The following GTSF1 variants were observed in gnomAD, a reference collection of about 807,000 sequenced individuals.
GTSF1 encodes the protein gametocyte-specific factor 1.
In GTSF1, 11 loss-of-function variants were observed where a neutral mutation model predicts 28.9. The observed-to-expected ratio is 0.38, with a 90% CI of 0.24 to 0.63. GTSF1 has a LOEUF of 0.63. Among genes scored for constraint, GTSF1 ranks in the 30% least tolerant of loss-of-function variants. GTSF1 has a pLI of 0.56. For synonymous variants in GTSF1, 69 were observed against 65.6 expected (o/e 1.05, Z -0.25); for missense variants, 146 against 201.0 (o/e 0.73, Z 1.66).
chr12:54,458,553 G>A (rs1191360551), intron 8 of GTSF1, among the ~76,000 whole-genome samples: 1 of 151,774 alleles, frequency 6.6e-6, no homozygotes, highest in Non-Finnish European at 1.5e-5. Context: ...TGAATTTTTA[G>A]TAGAGACAGG....
In GTSF1 at chr12:54,462,143, C is replaced by T. The variant is rs1956432904; in HGVS notation, c.358G>A (p.Val120Ile). ...DLWEQTSTPF[V>I]WGTTHYSDNN... is the part of the protein sequence containing the mutation. ...TCAGAGTAGTGAGTTGTGCCCCAGA[C>T]AAATGGGGTGCTGGTCTGCTCCCAC... Residue 120 changes from valine to isoleucine, a missense_variant, in exon 6 of 9, where the codon GTC becomes ATC. Physicochemically the swap from Val to Ile is conservative, Grantham distance 29. Transcript: ENST00000305879. The T allele has an allele frequency of 6.2e-7, 1 of 1,613,692 alleles. No homozygotes were observed. Among genetic ancestry groups the T allele is most frequent in the African/African-American group, 1.3e-5 (1 of 74,868 alleles).
Position 54,463,359 on chromosome 12 carries a change from A to G in GTSF1, c.118-62T>C, listed in dbSNP as rs139354086. 3.5e-4 allele frequency: 542 copies of G among 1,543,318 alleles called. 1 individual carries two copies. In the African/African-American group the frequency reaches 6.5e-3, roughly 18 times the overall value. On this transcript the variant is annotated intron_variant, in intron 3 of 8. Transcript: ENST00000305879. Reference sequence around the variant, plus strand: ...GGATCTACTAAAGTCAACAGGGAGTAGCTAAGCCTTATTCTACAAATGCCT... The same window carrying G: ...GGATCTACTAAAGTCAACAGGGAGTGGCTAAGCCTTATTCTACAAATGCCT...
chr12:54,464,995 T>C (rs901356099), intron 3 of GTSF1, 72 bp downstream of exon 3: 2 of 856,302 alleles, frequency 2.3e-6, no homozygotes, highest in African/African-American at 3.4e-5. Flanking sequence ...ATGATAAAAT[T>C]ATTTGATATT....
intron 8 of GTSF1, among the ~76,000 whole-genome samples, chr12:54,456,418 G>A (rs778965378): frequency 6.6e-6 from 1 of 152,214 alleles, no homozygotes; most frequent in Non-Finnish European, 1.5e-5. Flanking sequence ...TTTTACAAGT[G>A]AGGAGAATAT....
intron 7 of GTSF1, chr12:54,459,420 C>T (rs1205877171): frequency 7.4e-7 from 1 of 1,358,842 alleles, no homozygotes; most frequent in Non-Finnish European, 9.7e-7. Context: ...TTAGCTCAAA[C>T]AGTAGCACAG....
intron 8 of GTSF1, among the ~76,000 whole-genome samples, chr12:54,457,437 T>C (rs1956350908): frequency 6.6e-6 from 1 of 152,222 alleles, no homozygotes; most frequent in Non-Finnish European, 1.5e-5. Flanking sequence ...CTGTTCAATG[T>C]ATGCTTCTCT....
chr12:54,473,576 C>T lies in GTSF1; in HGVS notation c.-60G>A, dbSNP rs780101681. 1 of 152,274 alleles carries T rather than the reference C, an allele frequency of 6.6e-6. No homozygotes were observed. Among genetic ancestry groups the T allele is most frequent in the Non-Finnish European group, 1.5e-5 (1 of 68,070 alleles). 9.4% of individuals were successfully genotyped at this position (152,274 alleles called of 1,614,324 possible). A position where few individuals can be genotyped will look rare whatever the true frequency, so the allele number is the denominator to read the frequency against. On this transcript the variant is annotated 5_prime_UTR_variant, in exon 1 of 9. The change creates a new upstream start codon in the 5' untranslated region. Transcript: ENST00000305879. ...TGGACACACACCTTCCTCACAGTCA[C>T]CTTCCTCCCACGCAAGCCCCAGCAA...
chr12:54,471,177 T>G, intron 2 of GTSF1, 56 bp downstream of exon 2: 1 of 1,395,470 alleles, frequency 7.2e-7, no homozygotes, highest in Admixed American at 2.3e-5. Context: ...TTGTCAGATA[T>G]AAAACTATAC....
chr12:54,472,887 T>C (rs1445358304), intron 1 of GTSF1, among the ~76,000 whole-genome samples: 1 of 152,246 alleles, frequency 6.6e-6, no homozygotes, highest in African/African-American at 2.4e-5. Flanking sequence ...CACTTATACA[T>C]AGTTACTTCA....
rs1019896211 is a variant in GTSF1, at chr12:54,469,464, G to C, written c.16+1769C>G. 2.6e-5 allele frequency among the ~76,000 whole-genome samples: 4 copies of C among 151,736 alleles called. No homozygotes were observed. In the South Asian group the frequency reaches 8.3e-4, roughly 32 times the overall value. On this transcript the variant is annotated intron_variant, in intron 2 of 8. Coordinates refer to ENST00000305879, the MANE Select transcript of GTSF1 (RefSeq NM_144594.3). The stretch of plus-strand genomic sequence containing the variant: ...CACTTTTGAGAGGCCAAGGTTGGTG[G>C]ATCACTTGAGGCCAGGAGTTCGAGA...
intron 1 of GTSF1, chr12:54,472,492 A>G (rs1171232355): frequency 1.3e-5 from 2 of 152,282 alleles, no homozygotes; most frequent in Admixed American, 1.3e-4. Context: ...AAACATTAAA[A>G]GAGAAATGGT....
At chr12:54,463,063 T>C in intron 4 of GTSF1, 108 bp downstream of exon 4, 1 of 1,086,826 alleles carries the variant, frequency 9.2e-7, no homozygotes, top group Non-Finnish European at 1.3e-6. Flanking sequence ...GGAAAAGTAT[T>C]GTTCTTCTAA....
At chr12:54,467,220 T>C (rs988774388) in intron 2 of GTSF1, among the ~76,000 whole-genome samples, 44 of 152,280 alleles carry the variant, frequency 2.9e-4, no homozygotes, top group African/African-American at 9.9e-4. Flanking sequence ...ATCACAGTCT[T>C]TTGCTTTTTG....
chr12:54,468,359 G>T (rs1232538548), intron 2 of GTSF1, among the ~76,000 whole-genome samples: 3 of 152,100 alleles, frequency 2.0e-5, no homozygotes. Context: ...AGCCTCCTGT[G>T]ATCTGCCCAC....
chr12:54,463,078 C>A (rs952410283), intron 4 of GTSF1, 93 bp downstream of exon 4: 14 of 1,359,942 alleles, frequency 1.0e-5, no homozygotes, highest in Non-Finnish European at 1.4e-5. Flanking sequence ...TTCTAAAACA[C>A]TGAAAGCCAA....
intron 8 of GTSF1, among the ~76,000 whole-genome samples, chr12:54,458,003 T>C (rs1473746093): frequency 1.3e-5 from 2 of 152,224 alleles, no homozygotes; most frequent in African/African-American, 2.4e-5. Context: ...ACTCACAGAT[T>C]TATCTGTTTC....
intron 2 of GTSF1, among the ~76,000 whole-genome samples, chr12:54,469,976 G>A (rs1956574578): frequency 1.3e-5 from 2 of 152,144 alleles, no homozygotes; most frequent in African/African-American, 4.8e-5. Context: ...TTCAAGACCA[G>A]CCTGGCCAAC....
At chr12:54,471,170 T>A in intron 2 of GTSF1, 63 bp downstream of exon 2, 1 of 1,312,504 alleles carries the variant, frequency 7.6e-7, no homozygotes, top group South Asian at 1.5e-5. Context: ...AAAAGTCTTG[T>A]CAGATATAAA....
chr12:54,465,751 T>C (rs1002781750), intron 2 of GTSF1, among the ~76,000 whole-genome samples: 2 of 152,152 alleles, frequency 1.3e-5, no homozygotes, highest in South Asian at 4.1e-4. Context: ...TGAAAAAAGT[T>C]GGTAAGCACT....
Sources: allele counts gnomAD v4.1 joint callset (sites outside exome capture counted in the v4.1 genomes callset), GRCh38; gene constraint gnomAD v4.1.1; transcripts MANE v1.5; gene names NCBI Gene and HGNC (gene_info 2026-07-23, HGNC 2026-07-21).